The following NOXA1 variants were observed in gnomAD, a reference collection of about 807,000 sequenced individuals.
The protein encoded by NOXA1 is NCF2-like protein.
In NOXA1, 56 loss-of-function variants were observed where a neutral mutation model predicts 64.8. The observed-to-expected ratio is 0.86, with a 90% CI of 0.70 to 1.08. The LOEUF is 1.08. Among genes scored for constraint, NOXA1 ranks in the 50% least tolerant of loss-of-function variants. The pLI is 0.00. For missense variants in NOXA1, 668 were observed against 658.5 expected, an observed-to-expected ratio of 1.01 and a Z score of -0.16; for synonymous variants, 295 against 294.8, an observed-to-expected ratio of 1.00 and a Z score of -0.01.
At chr9:137,430,578 G>A (rs561059962) in intron 5 of NOXA1, among the ~76,000 whole-genome samples, 15 of 152,344 alleles carry the variant, frequency 9.8e-5, no homozygotes, top group Middle Eastern at 3.4e-3. Context: ...TTAAAGTTGT[G>A]CTAAAAATAA....
Position 137,433,253 on chromosome 9 carries a change from C to T in NOXA1, c.899C>T (p.Ala300Val), listed in dbSNP as rs777037361. The part of the protein sequence containing the change: ...GPGPGPCEDP[A>V]GAGGAGAGGS... ...GGCCCCGGCCCCTGTGAGGACCCCG[C>T]GGGTGCTGGGGTAAGAGGCTCTAGA... The change falls in exon 10 of 14, where the codon GCG becomes GTG. Residue 300 changes from alanine to valine, a missense_variant. By Grantham distance (64) the Ala-to-Val change is moderately conservative. Transcript: ENST00000683555. 9.1e-5 allele frequency: 145 copies of T among 1,591,214 alleles called. No individual in the cohort carries two copies. In the Middle Eastern group the frequency reaches 1.2e-3, roughly 13 times the overall value.
rs1454182329 is a variant in NOXA1, at chr9:137,428,765, TG to T, written c.370-111del. On this transcript the variant is annotated intron_variant, in intron 3 of 13. Coordinates refer to ENST00000683555, the MANE Select transcript of NOXA1 (RefSeq NM_001256067.2). Reference sequence around the variant, plus strand: ...GTGGGGGGATGGGGGAGGGGCCAGGTGGGGGGACTGGGGGAGGGGCTGGGTG... The same window carrying T: ...GTGGGGGGATGGGGGAGGGGCCAGGTGGGGGACTGGGGGAGGGGCTGGGTG... 3.1e-5 allele frequency: 15 copies of T among 486,270 alleles called. No homozygotes were observed. In the African/African-American group the frequency reaches 8.6e-4, roughly 28 times the overall value. 30.1% of individuals were successfully genotyped at this position (486,270 alleles called of 1,614,324 possible).
Position 137,433,723 on chromosome 9 carries a change from G to T in NOXA1, c.1065-27G>T, listed in dbSNP as rs1479172064. ...CCCTCCCTGCAGGCCCCACCCAGGAGGCCCCCTCTGAGGAATCTCTTTGCA... is the reference window on the plus strand; with the variant it reads ...CCCTCCCTGCAGGCCCCACCCAGGATGCCCCCTCTGAGGAATCTCTTTGCA... On this transcript the variant is annotated intron_variant, in intron 11 of 13. Transcript: ENST00000683555. 6 of 1,469,752 alleles carry T rather than the reference G, an allele frequency of 4.1e-6. No individual in the cohort carries two copies. The South Asian group carries it at 6.8e-5, about 17-fold the overall frequency. The allele number at this position is 1,469,752 out of a possible 1,614,324, so 91.0% of individuals were successfully genotyped here.
intron 5 of NOXA1, among the ~76,000 whole-genome samples, chr9:137,430,020 G>T (rs1419873283): frequency 7.9e-6 from 1 of 126,936 alleles, no homozygotes; most frequent in Non-Finnish European, 1.6e-5. Flanking sequence ...GGTCCCGGGG[G>T]GGGTGCCTGT....
In NOXA1 at chr9:137,434,291, C is replaced by A. The variant is rs773618446; in HGVS notation, c.1362C>A (p.Val454=). 1.7e-5 allele frequency: 27 copies of A among 1,610,694 alleles called. No homozygotes were observed. The highest frequency in any genetic ancestry group is 2.1e-5 in the Non-Finnish European group (25 of 1,179,524). ...GCATCTTCCCCAAGTGCTTCGTGGTCCCCGCCGGCCCTCGGATGTCAGGAG... is the reference window on the plus strand; with the variant it reads ...GCATCTTCCCCAAGTGCTTCGTGGTACCCGCCGGCCCTCGGATGTCAGGAG... The part of the protein sequence containing the change: ...RIGIFPKCFV[V]PAGPRMSGAP... The change falls in exon 14 of 14, where the codon GTC becomes GTA. Residue 454 remains valine (V), a synonymous_variant. Coordinates refer to ENST00000683555, the MANE Select transcript of NOXA1 (RefSeq NM_001256067.2).
chr9:137,426,113 C>T, intron 1 of NOXA1, 135 bp from the exon 2 acceptor site: 1 of 762,574 alleles, frequency 1.3e-6, no homozygotes, highest in Non-Finnish European at 2.3e-6. Flanking sequence ...GGTTCCTGGA[C>T]AGGAGCAGGA....
chr9:137,423,534 C>T lies in NOXA1; in HGVS notation c.5C>T (p.Ala2Val). The change falls in exon 1 of 14, where the codon GCC becomes GTC. Residue 2 changes from alanine (A) to valine (V), a missense_variant. Transcript: ENST00000683555. ...CGAGCGCCGCCACCGGCCGCCATGG[C>T]CTCTCTGGGGGACCTGGTGCGCGCC... Reference protein sequence around the residue: MASLGDLVRAWH... With the variant: MVSLGDLVRAWH... 1.4e-6 allele frequency: 2 copies of T among 1,404,068 alleles called. No individual in the cohort carries two copies. The highest frequency in any genetic ancestry group is 1.9e-6 in the Non-Finnish European group (2 of 1,077,792). 87.0% of individuals were successfully genotyped at this position (1,404,068 alleles called of 1,614,324 possible). A position where few individuals can be genotyped will look rare whatever the true frequency, so the allele number is the denominator to read the frequency against.
At chr9:137,428,244 AGCTCTT>A in intron 3 of NOXA1, 103 bp downstream of exon 3, 1 of 808,294 alleles carries the variant, frequency 1.2e-6, no homozygotes, top group South Asian at 1.7e-5. Flanking sequence ...CTCTGGCCGA[AGCTCTT>A]GGTGCCATGG....
intron 2 of NOXA1, 92 bp from the exon 3 acceptor site, chr9:137,427,941 T>TG: frequency 1.2e-6 from 1 of 819,508 alleles, no homozygotes; most frequent in South Asian, 1.6e-5. Context: ...AACCAGGTGT[T>TG]GGGGGCGGCT....
intron 6 of NOXA1, 111 bp from the exon 7 acceptor site, chr9:137,430,964 G>T: frequency 6.4e-7 from 1 of 1,568,358 alleles, no homozygotes; most frequent in African/African-American, 1.3e-5. Flanking sequence ...GGTGTGGGGT[G>T]GCCATCCCAT....
intron 11 of NOXA1, 59 bp downstream of exon 11, chr9:137,433,666 G>C (rs1178810493): frequency 1.3e-6 from 2 of 1,515,802 alleles, no homozygotes; most frequent in Non-Finnish European, 1.8e-6. Context: ...GACTGAGGCA[G>C]CTGCTGGAAG....
At chr9:137,426,475 T>TGGATC in intron 2 of NOXA1, 145 bp downstream of exon 2, 1 of 731,470 alleles carries the variant, frequency 1.4e-6, no homozygotes, top group Non-Finnish European at 2.4e-6. Flanking sequence ...CAGGGAAACC[T>TGGATC]GAGACTGTGG....
chr9:137,427,926 C>T lies in NOXA1; in HGVS notation c.261-107C>T, dbSNP rs1173393081. 3 of 740,600 alleles carry T rather than the reference C, an allele frequency of 4.1e-6. No individual in the cohort carries two copies. In the East Asian group the frequency reaches 8.1e-5, roughly 20 times the overall value. 45.9% of individuals were successfully genotyped at this position (740,600 alleles called of 1,614,324 possible). A position where few individuals can be genotyped will look rare whatever the true frequency, so the allele number is the denominator to read the frequency against. ...ACCGCACTGCCCTCCCTCAGGTCTCCTTGGAACCAGGTGTTGGGGGCGGCT... is the reference window on the plus strand; with the variant it reads ...ACCGCACTGCCCTCCCTCAGGTCTCTTTGGAACCAGGTGTTGGGGGCGGCT... On this transcript the variant is annotated intron_variant, in intron 2 of 13. Transcript: ENST00000683555.
In NOXA1 at chr9:137,426,130, G is replaced by A. The variant is rs538582118; in HGVS notation, c.178-118G>A. The A allele has an allele frequency of 6.3e-4, 562 of 891,596 alleles. 8 individuals carry two copies. In the South Asian group the frequency reaches 7.6e-3, roughly 12 times the overall value. The allele number at this position is 891,596 out of a possible 1,614,324, so 55.2% of individuals were successfully genotyped here. A position where few individuals can be genotyped will look rare whatever the true frequency, so the allele number is the denominator to read the frequency against. On this transcript the variant is annotated intron_variant, in intron 1 of 13. Transcript: ENST00000683555. ...TTCCTGGACAGGAGCAGGAGGGGCT[G>A]TGGGGGGTCCCCAGGGGCTGACGGA...
intron 2 of NOXA1, 34 bp downstream of exon 2, chr9:137,426,364 G>C: frequency 1.3e-6 from 2 of 1,585,396 alleles, no homozygotes; most frequent in Non-Finnish European, 1.7e-6. Flanking sequence ...CTTCTCTGAC[G>C]GCCCTTTGTC....
At chr9:137,428,192 C>A (rs374432684) in intron 3 of NOXA1, 51 bp downstream of exon 3, 1 of 1,346,726 alleles carries the variant, frequency 7.4e-7, no homozygotes, top group South Asian at 1.3e-5. Flanking sequence ...TGTCCACGGG[C>A]GGTGGCACTG....
At chr9:137,432,394 A>G (rs1351816068) in intron 8 of NOXA1, among the ~76,000 whole-genome samples, 1 of 152,142 alleles carries the variant, frequency 6.6e-6, no homozygotes, top group Admixed American at 6.6e-5. Flanking sequence ...CCCGGCTAAC[A>G]TGGTGAAACC....
rs557059030 is a variant in NOXA1 at position 137,430,827 on chromosome 9, G to C, written c.656G>C (p.Arg219Pro). 5.0e-6 allele frequency: 8 copies of C among 1,587,250 alleles called. No individual in the cohort carries two copies. In the African/African-American group the frequency reaches 6.7e-5, roughly 13 times the overall value. ...CCCGACGACCAGGGCTGGGGCGTCC[G>C]CCCTCAGCAGCCACAGGTGGGTTTG... ...AIPDDQGWGVRPQQPQGPGAN... is the reference protein window; with the variant it reads ...AIPDDQGWGVPPQQPQGPGAN... Residue 219 changes from arginine to proline, a missense_variant, in exon 6 of 14, where the codon CGC (arginine) becomes CCC (proline). Physicochemically the swap from Arg to Pro is moderately radical, Grantham distance 103 (BLOSUM62 -2). Transcript: ENST00000683555.
intron 11 of NOXA1, 38 bp from the exon 12 acceptor site, chr9:137,433,712 C>T (rs951412953): frequency 6.8e-7 from 1 of 1,476,142 alleles, no homozygotes. Context: ...CCCTGCAGGC[C>T]CCACCCAGGA....
Sources: gnomAD v4.1 joint callset for allele counts (sites outside exome capture counted in the v4.1 genomes callset) on GRCh38, gnomAD v4.1.1 for gene constraint, MANE v1.5 for transcripts, NCBI Gene and HGNC (gene_info 2026-07-23, HGNC 2026-07-21) for gene names.